ATL2: variants seen among roughly 807,000 people sequenced by gnomAD.
The protein encoded by ATL2 is atlastin-2.
In ATL2, 31 loss-of-function variants were observed where a neutral mutation model predicts 73.9. That is an observed-to-expected ratio of 0.42 (90% CI 0.32 to 0.57). The LOEUF (loss-of-function observed/expected upper bound fraction) is 0.57. ATL2 is among the 20% of genes least tolerant of loss of function. ATL2 has a pLI of 0.14. For synonymous variants in ATL2, 291 were observed against 237.5 expected (o/e 1.23, Z -2.07); for missense variants, 738 against 702.6 (o/e 1.05, Z -0.57).
chr2:38,359,721 G>T (rs770560162), intron 1 of ATL2: 2 of 152,148 alleles, frequency 1.3e-5, no homozygotes, highest in Non-Finnish European at 1.5e-5. Context: ...GAAGAAAAAT[G>T]TAAAATGGTT....
intron 2 of ATL2, among the ~76,000 whole-genome samples, chr2:38,325,014 C>A (rs1440890206): frequency 6.6e-6 from 1 of 152,124 alleles, no homozygotes; most frequent in Non-Finnish European, 1.5e-5. Context: ...TGTACACTTA[C>A]AAATGGTTAA....
intron 2 of ATL2, among the ~76,000 whole-genome samples, chr2:38,334,877 A>ATAAATAT (rs1420865292): frequency 2.8e-5 from 1 of 35,400 alleles, no homozygotes; most frequent in Non-Finnish European, 9.5e-5. Flanking sequence ...TATAATATAT[A>ATAAATAT]TTATATAATA....
chr2:38,307,163 G>A (rs1025536843), intron 9 of ATL2, among the ~76,000 whole-genome samples: 7 of 151,996 alleles, frequency 4.6e-5, no homozygotes, highest in African/African-American at 1.7e-4. Context: ...TTCGAGACCA[G>A]CCTGGCCAAC....
At chr2:38,377,599 G>A (rs1368456996), upstream of ATL2, among the ~76,000 whole-genome samples, 2 of 151,898 alleles carry the variant, frequency 1.3e-5, no homozygotes, top group Non-Finnish European at 2.9e-5. Context: ...CCTTAGCGCT[G>A]GGCCAGGCTC....
At chr2:38,371,433 G>A (rs1420407500) in intron 1 of ATL2, among the ~76,000 whole-genome samples, 1 of 152,008 alleles carries the variant, frequency 6.6e-6, no homozygotes, top group Non-Finnish European at 1.5e-5. Context: ...ACTTGAGCCA[G>A]GGAGGTCAAA....
At chr2:38,364,822 A>T (rs932691563) in intron 1 of ATL2, among the ~76,000 whole-genome samples, 13 of 152,140 alleles carry the variant, frequency 8.5e-5, no homozygotes. Flanking sequence ...AGGCGGGTGG[A>T]TCACGAGGTC....
chr2:38,374,651 T>C (rs565231552), intron 1 of ATL2, among the ~76,000 whole-genome samples: 65 of 152,362 alleles, frequency 4.3e-4, no homozygotes, highest in African/African-American at 1.5e-3. Flanking sequence ...AACAATTTTT[T>C]AATACATCTT....
In ATL2 at chr2:38,298,448, C is replaced by T. The variant is rs142044948; in HGVS notation, c.1328G>A (p.Arg443His). 33 of 1,614,136 alleles carry T rather than the reference C, an allele frequency of 2.0e-5. No homozygotes were observed. The highest frequency in any genetic ancestry group is 5.5e-5 in the South Asian group (5 of 91,086). ...KKMGGDEFCRRYQDQLEAEIE... is the reference protein window; with the variant it reads ...KKMGGDEFCRHYQDQLEAEIE... ...TTCAGCTTCAAGCTGGTCCTGATAA[C>T]GACGGCAGAACTCATCTCCACCCAT... Residue 443 changes from arginine (R) to histidine (H), a missense_variant, in exon 12 of 13, where the codon CGT becomes CAT. Arg to His is a conservative substitution (Grantham distance 29). Coordinates refer to ENST00000378954, the MANE Select transcript of ATL2 (RefSeq NM_001135673.4).
chr2:38,339,134 T>A (rs1232869428), intron 2 of ATL2, among the ~76,000 whole-genome samples: 1 of 152,114 alleles, frequency 6.6e-6, no homozygotes, highest in East Asian at 1.9e-4. Flanking sequence ...GATAATCGCT[T>A]GAACTCAGGA....
intron 9 of ATL2, among the ~76,000 whole-genome samples, chr2:38,303,431 A>G (rs899887765): frequency 6.6e-6 from 1 of 151,878 alleles, no homozygotes; most frequent in African/African-American, 2.4e-5. Flanking sequence ...GTCTCAAGTG[A>G]TCTGCCCACC....
Position 38,314,631 on chromosome 2 carries a change from C to T in ATL2, c.688G>A (p.Glu230Lys). The change falls in exon 6 of 13, where the codon GAA becomes AAA. Residue 230 changes from glutamate (E) to lysine (K), a missense_variant. Physicochemically the swap from Glu to Lys is moderately conservative, Grantham distance 56. Coordinates refer to ENST00000378954, the MANE Select transcript of ATL2 (RefSeq NM_001135673.4). Reference protein sequence around the residue: ...FTEYGRLAMEEIYQKPFQTLM... With the variant: ...FTEYGRLAMEKIYQKPFQTLM... ...ACCTGAAATGGTTTCTGGTAGATTTCTTCCATCGCAAGTCTTCCATACTCT... is the reference window on the plus strand; with the variant it reads ...ACCTGAAATGGTTTCTGGTAGATTTTTTCCATCGCAAGTCTTCCATACTCT... 1 of 1,600,368 alleles carries T rather than the reference C, an allele frequency of 6.2e-7. No individual in the cohort carries two copies. Among genetic ancestry groups the T allele is most frequent in the Non-Finnish European group, 8.6e-7 (1 of 1,167,980 alleles).
In ATL2 at chr2:38,314,677, G is replaced by A; in HGVS notation, c.655-13C>T. ...ACTCTGTAAATAACTATTAAATAGAGTTAGTTAAAATAATGCCTCTAAAGA... is the reference window on the plus strand; with the variant it reads ...ACTCTGTAAATAACTATTAAATAGAATTAGTTAAAATAATGCCTCTAAAGA... On this transcript the variant is annotated splice_polypyrimidine_tract_variant and intron_variant, in intron 5 of 12. Coordinates refer to ENST00000378954, the MANE Select transcript of ATL2 (RefSeq NM_001135673.4). 3 of 1,551,634 alleles carry A rather than the reference G, an allele frequency of 1.9e-6. No homozygotes were observed. Among genetic ancestry groups the A allele is most frequent in the Non-Finnish European group, 2.7e-6 (3 of 1,127,172 alleles).
chr2:38,343,218 G>A, intron 2 of ATL2, 50 bp downstream of exon 2: 2 of 1,435,376 alleles, frequency 1.4e-6, no homozygotes, highest in Non-Finnish European at 1.9e-6. Context: ...TAACAGGCAT[G>A]GTTGGTACTT....
At chr2:38,373,559 T>C (rs1671802520) in intron 1 of ATL2, among the ~76,000 whole-genome samples, 1 of 152,192 alleles carries the variant, frequency 6.6e-6, no homozygotes, top group East Asian at 1.9e-4. Context: ...TAAAAGTTGT[T>C]TCTAGTAACT....
At chr2:38,337,902 G>A (rs13431831) in intron 2 of ATL2, among the ~76,000 whole-genome samples, 1 of 151,948 alleles carries the variant, frequency 6.6e-6, no homozygotes, top group African/African-American at 2.4e-5. Context: ...GGAGAATTTA[G>A]TAATAATAGC....
At chr2:38,355,868 G>A (rs1253057150) in intron 1 of ATL2, among the ~76,000 whole-genome samples, 2 of 151,520 alleles carry the variant, frequency 1.3e-5, no homozygotes, top group Non-Finnish European at 2.9e-5. Context: ...CCTAATTTTT[G>A]TATTTTTAGT....
chr2:38,310,270 T>C (rs948120826), intron 8 of ATL2, 39 bp downstream of exon 8: 1 of 1,602,914 alleles, frequency 6.2e-7, no homozygotes, highest in African/African-American at 1.3e-5. Context: ...CCACCTCTAA[T>C]AAATAAGTTC....
rs1669211380 is a variant in ATL2, at chr2:38,334,841, A to AATATATAAATAT, written c.363+8426_363+8427insATATTTATATAT. On this transcript the variant is annotated intron_variant, in intron 2 of 12. Coordinates refer to ENST00000378954, the MANE Select transcript of ATL2 (RefSeq NM_001135673.4). The stretch of plus-strand genomic sequence containing the variant: ...TAATAATATTCAACATTATAGTTAT[A>AATATATAAATAT]ATTTATATTCAATATTTATATATTA... Among the ~76,000 whole-genome samples, 8 of 61,570 alleles carry AATATATAAATAT rather than the reference A, an allele frequency of 1.3e-4. No individual in the cohort carries two copies. In the East Asian group the frequency reaches 5.5e-3, roughly 42 times the overall value. 40.4% of individuals were successfully genotyped at this position (61,570 alleles called of 152,430 possible). A position where few individuals can be genotyped will look rare whatever the true frequency, so the allele number is the denominator to read the frequency against.
At chr2:38,330,484 C>A (rs1668923073) in intron 2 of ATL2, among the ~76,000 whole-genome samples, 2 of 152,132 alleles carry the variant, frequency 1.3e-5, no homozygotes, top group Admixed American at 6.6e-5. Flanking sequence ...TTGCAGATGA[C>A]ATGATGTTGT....
Sources: allele counts gnomAD v4.1 joint callset (sites outside exome capture counted in the v4.1 genomes callset), GRCh38; gene constraint gnomAD v4.1.1; transcripts MANE v1.5; gene names NCBI Gene and HGNC (gene_info 2026-07-23, HGNC 2026-07-21).